Variants in DNAAF9 observed in about 807,000 individuals in gnomAD.
DNAAF9 encodes the protein shulin.
A neutral mutation model predicts 167.0 loss-of-function variants in DNAAF9; 90 were observed. That is an observed-to-expected ratio of 0.54 (90% CI 0.45 to 0.64). DNAAF9 has a LOEUF of 0.64. Ranked by LOEUF, DNAAF9 falls within the 30% of genes least tolerant of loss-of-function variation. The pLI, the probability that DNAAF9 is intolerant of heterozygous loss-of-function variation, is 0.00. For missense variants in DNAAF9, 1,315 were observed against 1,442.2 expected (o/e 0.91, Z 1.43); for synonymous variants, 491 against 508.8 (o/e 0.96, Z 0.47).
chr20:3,378,768 T>C (rs1023407085), intron 3 of DNAAF9, among the ~76,000 whole-genome samples: 4 of 151,978 alleles, frequency 2.6e-5, no homozygotes, highest in Admixed American at 1.3e-4. Context: ...GACAAAAACA[T>C]CTTATAAGCC....
chr20:3,311,576 A>T (rs2069414114), intron 20 of DNAAF9, among the ~76,000 whole-genome samples: 1 of 152,166 alleles, frequency 6.6e-6, no homozygotes, highest in South Asian at 2.1e-4. Context: ...ACATGTCCAC[A>T]AAGAGTCAAA....
In DNAAF9 at chr20:3,264,081, C is replaced by CG. The variant is rs550891919; in HGVS notation, c.2873+356dup. ...ATGGGAACCCTAGAGGACTGACTGA[C>CG]GGTATTGTCAGAAGCGAGTCTCACC... On this transcript the variant is annotated intron_variant, in intron 31 of 36. Coordinates refer to ENST00000252032, the MANE Select transcript of DNAAF9 (RefSeq NM_001009984.3). Among the ~76,000 whole-genome samples the CG allele has an allele frequency of 2.6e-3, 402 of 152,326 alleles. 2 individuals are homozygous for CG. The highest frequency in any genetic ancestry group is 9.3e-4 in the Non-Finnish European group (63 of 68,026).
chr20:3,315,065 T>A lies in DNAAF9; in HGVS notation c.1646A>T (p.Tyr549Phe). 1 of 1,611,700 alleles carries A rather than the reference T, an allele frequency of 6.2e-7. No homozygotes were observed. The highest frequency in any genetic ancestry group is 8.5e-7 in the Non-Finnish European group (1 of 1,177,750). The change falls in exon 20 of 37, where the codon TAT (tyrosine) becomes TTT (phenylalanine). Residue 549 changes from tyrosine to phenylalanine, a missense_variant. Physicochemically the swap from Tyr to Phe is conservative, Grantham distance 22. Around this residue, in one of 2 missense-constraint regions of DNAAF9, gnomAD observed 981 missense variants for 1,012.5 expected, o/e 0.97. Transcript: ENST00000252032. This position sits in a 1 kb window ranked among gnomAD's most constrained non-coding sequence, Gnocchi z 4.1. ...AGGCCAGGACTGTAGATTGCTGGAA[T>A]AAAGATATGCTCCTTCTCCTCCTGT... ...YLTGGEGAYL[Y>F]SSNLQSWPEE...
intron 26 of DNAAF9, among the ~76,000 whole-genome samples, chr20:3,289,198 A>G (rs1339357566): frequency 1.3e-5 from 2 of 152,218 alleles, no homozygotes; most frequent in Non-Finnish European, 1.5e-5. Flanking sequence ...TTTTTTAAAA[A>G]TTAGTGCAGC....
intron 29 of DNAAF9, among the ~76,000 whole-genome samples, chr20:3,270,881 C>T (rs2068581954): frequency 2.0e-5 from 3 of 150,554 alleles, no homozygotes; most frequent in Non-Finnish European, 3.0e-5. Context: ...GGTGCGATCT[C>T]AGCTTACTGC....
At chr20:3,303,868 C>T (rs1379493980) in intron 21 of DNAAF9, among the ~76,000 whole-genome samples, 1 of 152,216 alleles carries the variant, frequency 6.6e-6, no homozygotes, top group African/African-American at 2.4e-5. Context: ...TTGGTGCAGA[C>T]TGGTGAACTT....
chr20:3,252,629 C>T lies in DNAAF9; in HGVS notation c.3477G>A (p.Lys1159=), dbSNP rs2068212683. The T allele has an allele frequency of 1.2e-6, 2 of 1,613,368 alleles. No individual in the cohort carries two copies. Among genetic ancestry groups the T allele is most frequent in the Non-Finnish European group, 1.7e-6 (2 of 1,179,276 alleles). ...YVEEANREIE[K]YNQELEQQEY... is the part of the protein sequence containing the mutation. ...CCTGCTGTTCCAGCTCCTGGTTATA[C>T]TTCTCAATTTCCCGGTTGGCTTCTT... The change falls in exon 37 of 37, where the codon AAG becomes AAA. Residue 1159 remains lysine (K), a synonymous_variant. Coordinates refer to ENST00000252032, the MANE Select transcript of DNAAF9 (RefSeq NM_001009984.3).
rs536255446 is a variant in DNAAF9, at chr20:3,404,961, G to C, written c.83+2514C>G. On this transcript the variant is annotated intron_variant, in intron 1 of 36. Coordinates refer to ENST00000252032, the MANE Select transcript of DNAAF9 (RefSeq NM_001009984.3). ...ACCTGGAAGCTAGCTCTGGGGCCTT[G>C]ACTGATGGGTGGCTGCCATTTGCAG... Among the ~76,000 whole-genome samples, 423 of 152,288 alleles carry C rather than the reference G, an allele frequency of 2.8e-3. 1 individual carries two copies. Among genetic ancestry groups the C allele is most frequent in the Non-Finnish European group, 5.2e-3 (355 of 68,022 alleles).
chr20:3,278,749 G>C (rs1282367480), intron 29 of DNAAF9, among the ~76,000 whole-genome samples, 163 bp downstream of exon 29: 3 of 152,106 alleles, frequency 2.0e-5, no homozygotes, highest in Non-Finnish European at 4.4e-5. Context: ...TGGAAGAAAT[G>C]TGCCTATCAA....
intron 14 of DNAAF9, among the ~76,000 whole-genome samples, chr20:3,323,754 G>A (rs1446929225): frequency 6.6e-6 from 1 of 152,208 alleles, no homozygotes; most frequent in African/African-American, 2.4e-5. Flanking sequence ...TGGGGAGGCT[G>A]AGTGGCCTAG....
At position 3,343,622 on chromosome 20, in the gene DNAAF9, C is replaced by T. The variant is rs369288706; in HGVS notation, c.845+54G>A. 224 of 1,442,026 alleles carry T rather than the reference C, an allele frequency of 1.6e-4. 1 individual carries two copies. Among genetic ancestry groups the T allele is most frequent in the Non-Finnish European group, 2.0e-4 (209 of 1,028,716 alleles). 89.3% of individuals were successfully genotyped at this position (1,442,026 alleles called of 1,614,324 possible). A position where few individuals can be genotyped will look rare whatever the true frequency, so the allele number is the denominator to read the frequency against. ...GCACCCCCACAGCCAACCCCTTTGCCACCTCCATTTTCTCTATCACCATTC... is the reference window on the plus strand; with the variant it reads ...GCACCCCCACAGCCAACCCCTTTGCTACCTCCATTTTCTCTATCACCATTC... On this transcript the variant is annotated intron_variant, in intron 9 of 36. Coordinates refer to ENST00000252032, the MANE Select transcript of DNAAF9 (RefSeq NM_001009984.3).
At chr20:3,316,874 C>T in intron 17 of DNAAF9, 81 bp from the exon 18 acceptor site, 3 of 709,690 alleles carry the variant, frequency 4.2e-6, no homozygotes, top group South Asian at 1.8e-5. Flanking sequence ...AAATGCCCTT[C>T]TCAGGAGCTA....
At chr20:3,306,999 T>C in intron 20 of DNAAF9, 1 of 985,412 alleles carries the variant, frequency 1.0e-6, no homozygotes. Flanking sequence ...ATTTGTACTT[T>C]TGAAGTGAAC....
At position 3,356,791 on chromosome 20, in the gene DNAAF9, C is replaced by T. The variant is rs375724043; in HGVS notation, c.690+2725G>A. On this transcript the variant is annotated intron_variant, in intron 7 of 36. Transcript: ENST00000252032. Reference sequence around the variant, plus strand: ...GCCAAGAAAAATTACACAAGAACACCGAAGGCCTCTGGTCAGACATGTCAT... The same window carrying T: ...GCCAAGAAAAATTACACAAGAACACTGAAGGCCTCTGGTCAGACATGTCAT... Among the ~76,000 whole-genome samples, 17 of 152,160 alleles carry T rather than the reference C, an allele frequency of 1.1e-4. No homozygotes were observed. In the East Asian group the frequency reaches 2.1e-3, roughly 19 times the overall value.
chr20:3,319,313 T>A (rs1435419110), intron 16 of DNAAF9, among the ~76,000 whole-genome samples: 1 of 145,944 alleles, frequency 6.9e-6, no homozygotes, highest in African/African-American at 2.5e-5. Context: ...CAAGCTTTTA[T>A]GGCCAAGACA....
intron 33 of DNAAF9, among the ~76,000 whole-genome samples, chr20:3,258,577 T>G (rs572480200): frequency 2.7e-4 from 41 of 152,222 alleles, no homozygotes; most frequent in Non-Finnish European, 4.9e-4. Flanking sequence ...AGCCAGCCTC[T>G]CCTCATTGGC....
At chr20:3,288,344 G>C (rs982899506) in intron 26 of DNAAF9, among the ~76,000 whole-genome samples, 3 of 152,224 alleles carry the variant, frequency 2.0e-5, no homozygotes, top group Admixed American at 1.3e-4. Flanking sequence ...CAGCTACTTG[G>C]GGGGCTGAGG....
chr20:3,356,729 C>T (rs914849749), intron 7 of DNAAF9, among the ~76,000 whole-genome samples: 3 of 152,128 alleles, frequency 2.0e-5, no homozygotes, highest in Admixed American at 2.0e-4. Context: ...AAAGCAGCAA[C>T]TACCTGAGAA....
chr20:3,317,909 C>T (rs1435307863), intron 17 of DNAAF9, among the ~76,000 whole-genome samples: 1 of 152,018 alleles, frequency 6.6e-6, no homozygotes, highest in Non-Finnish European at 1.5e-5. Flanking sequence ...CAAGTTGCTT[C>T]TTCTTGACTA....
Sources: allele counts gnomAD v4.1 joint callset (sites outside exome capture counted in the v4.1 genomes callset), GRCh38; gene constraint gnomAD v4.1.1; regional missense constraint gnomAD v4.1.1; non-coding constraint Gnocchi (gnomAD v3.1); transcripts MANE v1.5; gene names NCBI Gene and HGNC (gene_info 2026-07-23, HGNC 2026-07-21).